The following LRMDA variants were observed in gnomAD, a reference collection of about 807,000 sequenced individuals.
The protein encoded by LRMDA is leucine rich melanocyte differentiation associated.
Under a neutral mutation model 29.8 loss-of-function variants are expected in LRMDA, and 18 were observed. The ratio of observed to expected loss-of-function variants is 0.60; its 90% CI spans 0.42 to 0.90. The LOEUF is 0.90. Ranked by LOEUF, LRMDA falls within the 40% of genes least tolerant of loss-of-function variation. The pLI, the probability that LRMDA is intolerant of heterozygous loss-of-function variation, is 0.00. For synonymous variants in LRMDA, 125 were observed against 109.4 expected (o/e 1.14, Z -0.89); for missense variants, 273 against 273.9 (o/e 1.00, Z 0.02).
intron 5 of LRMDA, among the ~76,000 whole-genome samples, chr10:76,115,179 T>C (rs1009629353): frequency 6.6e-6 from 1 of 152,210 alleles, no homozygotes; most frequent in East Asian, 1.9e-4. Context: ...ACTTTAAAAA[T>C]GATTGTGGTA....
intron 2 of LRMDA, among the ~76,000 whole-genome samples, chr10:75,926,584 A>G (rs1846123787): frequency 6.6e-6 from 1 of 152,202 alleles, no homozygotes; most frequent in Admixed American, 6.5e-5. Flanking sequence ...ATTGCTCACT[A>G]AAGAGATTAA....
chr10:75,683,948 C>G (rs1842053603), intron 2 of LRMDA, among the ~76,000 whole-genome samples: 1 of 152,156 alleles, frequency 6.6e-6, no homozygotes. Flanking sequence ...CCTGCCCCAC[C>G]AGAGTTTTAT....
intron 2 of LRMDA, among the ~76,000 whole-genome samples, chr10:75,873,245 T>C (rs1039282218): frequency 3.9e-5 from 6 of 152,220 alleles, no homozygotes; most frequent in South Asian, 2.1e-4. Flanking sequence ...TATAATCCAA[T>C]TTACATTCTA....
intron 2 of LRMDA, among the ~76,000 whole-genome samples, chr10:75,700,499 G>A (rs202213080): frequency 2.7e-5 from 4 of 149,500 alleles, no homozygotes; most frequent in East Asian, 2.0e-4. Flanking sequence ...GCAGTGGCGC[G>A]ATCTTGGCTC....
In LRMDA at chr10:76,099,445, T is replaced by C. The variant is rs369054617; in HGVS notation, c.516+40662T>C. On this transcript the variant is annotated intron_variant, in intron 5 of 6. Transcript: ENST00000611255. ...GCTTTGTCTGTCTTAATTTATTTGT[T>C]CTTTTGGCTTTGCATTTAATTTGCT... is the stretch of plus-strand genomic sequence containing the variant. Among the ~76,000 whole-genome samples the C allele has an allele frequency of 3.4e-4, 52 of 152,294 alleles. No individual in the cohort carries two copies. The South Asian group carries it at 0.01, about 30-fold the overall frequency.
At chr10:75,892,688 C>T (rs756256855) in intron 2 of LRMDA, among the ~76,000 whole-genome samples, 13 of 152,174 alleles carry the variant, frequency 8.5e-5, no homozygotes, top group Non-Finnish European at 1.5e-4. Context: ...CTGCCTCTGG[C>T]ACCTGTGGCT....
At chr10:76,007,835 G>T (rs920452339) in intron 2 of LRMDA, among the ~76,000 whole-genome samples, 1 of 152,152 alleles carries the variant, frequency 6.6e-6, no homozygotes. Context: ...TGGCTTGGAG[G>T]CTGCACTCAC....
chr10:75,529,904 G>A (rs1458551178), intron 2 of LRMDA, among the ~76,000 whole-genome samples: 1 of 152,110 alleles, frequency 6.6e-6, no homozygotes, highest in African/African-American at 2.4e-5. Context: ...GTGAACCACA[G>A]TAGGAAATCA....
At chr10:76,445,362 G>T (rs1842344430) in intron 6 of LRMDA, among the ~76,000 whole-genome samples, 3 of 152,128 alleles carry the variant, frequency 2.0e-5, no homozygotes, top group Admixed American at 2.0e-4. Flanking sequence ...TTGCTTCAGG[G>T]TCTTGGCAAG....
intron 5 of LRMDA, among the ~76,000 whole-genome samples, chr10:76,147,945 G>A (rs1041659537): frequency 3.9e-5 from 6 of 152,182 alleles, no homozygotes; most frequent in Admixed American, 3.9e-4. Flanking sequence ...TTTGCTAGAG[G>A]TCCACTCTAG....
chr10:76,112,907 C>T (rs958242211), intron 5 of LRMDA, among the ~76,000 whole-genome samples: 2 of 152,118 alleles, frequency 1.3e-5, no homozygotes, highest in Non-Finnish European at 2.9e-5. Context: ...GGATTAACTC[C>T]CTCAGAATGT....
intron 2 of LRMDA, among the ~76,000 whole-genome samples, chr10:75,504,272 G>A (rs1313645848): frequency 6.6e-6 from 1 of 152,156 alleles, no homozygotes; most frequent in Non-Finnish European, 1.5e-5. Context: ...GGGGTTATAG[G>A]CGTGAGCCAC....
chr10:75,899,175 C>T (rs556773111), intron 2 of LRMDA, among the ~76,000 whole-genome samples: 8 of 152,166 alleles, frequency 5.3e-5, no homozygotes, highest in Admixed American at 1.3e-4. Context: ...TTTGGTTACA[C>T]GCCAGTACTT....
intron 6 of LRMDA, among the ~76,000 whole-genome samples, chr10:76,386,151 A>T: frequency 6.6e-6 from 1 of 152,164 alleles, no homozygotes; most frequent in Admixed American, 6.5e-5. Context: ...GTGTTTGTTT[A>T]TGTGTTAATC....
At chr10:76,145,256 G>C (rs186013902) in intron 5 of LRMDA, among the ~76,000 whole-genome samples, 1 of 152,268 alleles carries the variant, frequency 6.6e-6, no homozygotes, top group East Asian at 1.9e-4. Flanking sequence ...AATAGTTTCA[G>C]AAGGAATGGT....
intron 2 of LRMDA, among the ~76,000 whole-genome samples, chr10:75,961,806 A>G (rs569796033): frequency 1.5e-3 from 227 of 152,298 alleles, no homozygotes; most frequent in Non-Finnish European, 2.7e-3. Flanking sequence ...GAAATTTACT[A>G]TCTTACAGTT....
chr10:75,577,407 A>G (rs1400562641), intron 2 of LRMDA, among the ~76,000 whole-genome samples: 1 of 152,234 alleles, frequency 6.6e-6, no homozygotes, highest in Non-Finnish European at 1.5e-5. Context: ...GACCAAATGT[A>G]CATTGATTGG....
At chr10:76,007,650 C>CCCAA (rs1847696168) in intron 2 of LRMDA, among the ~76,000 whole-genome samples, 5 of 152,148 alleles carry the variant, frequency 3.3e-5, no homozygotes, top group Admixed American at 3.3e-4. Context: ...TAGAGGACAT[C>CCCAA]TCCTGGCATC....
intron 5 of LRMDA, among the ~76,000 whole-genome samples, chr10:76,104,483 T>G (rs1849447333): frequency 6.6e-6 from 1 of 150,878 alleles, no homozygotes; most frequent in Non-Finnish European, 1.5e-5. Flanking sequence ...TAGCCTTTCA[T>G]GCCAGGCTGC....
Sources: gnomAD v4.1 joint callset for allele counts (sites outside exome capture counted in the v4.1 genomes callset) on GRCh38, gnomAD v4.1.1 for gene constraint, MANE v1.5 for transcripts, NCBI Gene and HGNC (gene_info 2026-07-23, HGNC 2026-07-21) for gene names.